Variants in RIPPLY3 observed in about 807,000 individuals in gnomAD.
The protein encoded by RIPPLY3 is protein ripply3.
Under a neutral mutation model 11.9 loss-of-function variants are expected in RIPPLY3, and 8 were observed. The ratio of observed to expected loss-of-function variants is 0.67; its 90% CI spans 0.40 to 1.21. The LOEUF is 1.21. Ranked by LOEUF, RIPPLY3 falls within the 50% of genes most tolerant of loss-of-function variation. The pLI is 0.01. For missense variants in RIPPLY3, 271 were observed against 246.0 expected, an observed-to-expected ratio of 1.10 and a Z score of -0.68; for synonymous variants, 102 against 99.0, an observed-to-expected ratio of 1.03 and a Z score of -0.18.
intron 2 of RIPPLY3, among the ~76,000 whole-genome samples, chr21:37,011,434 A>G (rs1331040317): frequency 6.6e-6 from 1 of 152,218 alleles, no homozygotes; most frequent in Non-Finnish European, 1.5e-5. Flanking sequence ...TCTTTCTCTG[A>G]CACCTGCCAC....
chr21:37,011,762 C>G (rs941673598), intron 2 of RIPPLY3, among the ~76,000 whole-genome samples: 1 of 151,474 alleles, frequency 6.6e-6, no homozygotes, highest in East Asian at 1.9e-4. Flanking sequence ...ATCAGGAGAT[C>G]GAAACACGGT....
At chr21:37,010,205 T>A (rs193228470) in intron 2 of RIPPLY3, among the ~76,000 whole-genome samples, 1 of 151,990 alleles carries the variant, frequency 6.6e-6, no homozygotes, top group Non-Finnish European at 1.5e-5. Flanking sequence ...GAATAAAACC[T>A]CAAGTAGGCC....
At chr21:37,014,267 G>A (rs757147916) in intron 3 of RIPPLY3, among the ~76,000 whole-genome samples, 4 of 152,032 alleles carry the variant, frequency 2.6e-5, no homozygotes, top group South Asian at 2.1e-4. Flanking sequence ...GCAGTGAGCC[G>A]AGATCACGCC....
chr21:37,014,904 T>G (rs573301942), intron 3 of RIPPLY3, among the ~76,000 whole-genome samples: 13 of 152,288 alleles, frequency 8.5e-5, no homozygotes, highest in African/African-American at 3.1e-4. Flanking sequence ...TTTTGTAATT[T>G]TTTTGTAGAG....
Position 37,018,042 on chromosome 21 carries a change from GC to G in RIPPLY3, c.412del (p.Gln138ArgfsTer84), listed in dbSNP as rs777868373. Reference protein sequence around the residue: ...EEGPPPLHLLPQEVGGRQENG... With the variant: ...EEGPPPLHLLXQEVGGRQENG... ...AAGGACCCCCACCCCTCCATCTTCT[GC>G]CCCAGGAGGTGGGAGGTCGGCAGGA... On this transcript the variant is annotated frameshift_variant, in exon 4 of 4. Transcript: ENST00000329553. LOFTEE classifies it low-confidence loss of function (END_TRUNC). The G allele has an allele frequency of 1.2e-6, 2 of 1,614,056 alleles. No individual in the cohort carries two copies. The highest frequency in any genetic ancestry group is 1.1e-5 in the South Asian group (1 of 91,064).
rs544717241 is a variant in RIPPLY3, at chr21:37,006,897, C to A, written c.104+21C>A. 3 of 1,190,620 alleles carry A rather than the reference C, an allele frequency of 2.5e-6. No individual in the cohort carries two copies. The highest frequency in any genetic ancestry group is 4.2e-5 in the South Asian group (1 of 23,700). The allele number at this position is 1,190,620 out of a possible 1,614,324, so 73.8% of individuals were successfully genotyped here. ...GAGAGGTGAGGGTGGCCCCGCGCCC[C>A]GGTGGACGCGCTGAGAGGCGTGCGC... On this transcript the variant is annotated intron_variant, in intron 1 of 3. Coordinates refer to ENST00000329553, the MANE Select transcript of RIPPLY3 (RefSeq NM_018962.3). The surrounding 1 kb of genome is among the most constrained non-coding windows in gnomAD (Gnocchi z 5.2).
chr21:37,009,374 A>G lies in RIPPLY3; in HGVS notation c.171+1151A>G, dbSNP rs182763323. The stretch of plus-strand genomic sequence containing the variant: ...TAAGAAAACTTGATTGTGGGAAAAC[A>G]GACCTTCACCGTATTTTGATATTTA... On this transcript the variant is annotated intron_variant, in intron 2 of 3. Coordinates refer to ENST00000329553, the MANE Select transcript of RIPPLY3 (RefSeq NM_018962.3). 2.1e-3 allele frequency among the ~76,000 whole-genome samples: 327 copies of G among 152,322 alleles called. 2 individuals are homozygous for G. Among genetic ancestry groups the G allele is most frequent in the African/African-American group, 7.6e-3 (317 of 41,576 alleles).
chr21:37,008,685 G>C (rs2069490658), intron 2 of RIPPLY3, among the ~76,000 whole-genome samples: 1 of 151,154 alleles, frequency 6.6e-6, no homozygotes, highest in African/African-American at 2.4e-5. Context: ...TTGAACCCGG[G>C]AGGCGGAGGT....
At chr21:37,011,741 C>T (rs890475608) in intron 2 of RIPPLY3, among the ~76,000 whole-genome samples, 39 of 151,770 alleles carry the variant, frequency 2.6e-4, no homozygotes, top group African/African-American at 9.2e-4. Flanking sequence ...CCGAGGCGGG[C>T]GGATCATGAG....
chr21:37,008,673 G>T (rs916276274), intron 2 of RIPPLY3, among the ~76,000 whole-genome samples: 4 of 148,958 alleles, frequency 2.7e-5, no homozygotes, highest in Non-Finnish European at 5.9e-5. Context: ...CAGGAGAATC[G>T]CTTGAACCCG....
intron 2 of RIPPLY3, among the ~76,000 whole-genome samples, chr21:37,010,275 T>C (rs2069507819): frequency 6.6e-6 from 1 of 152,130 alleles, no homozygotes; most frequent in Non-Finnish European, 1.5e-5. Context: ...TCGGATCATC[T>C]GAGGTCAGGA....
rs754704523 is a variant in RIPPLY3, at chr21:37,017,888, T to C, written c.254T>C (p.Met85Thr). Residue 85 changes from methionine (M) to threonine (T), a missense_variant, in exon 4 of 4, where the codon ATG becomes ACG. Met to Thr is a moderately conservative substitution (Grantham distance 81). Coordinates refer to ENST00000329553, the MANE Select transcript of RIPPLY3 (RefSeq NM_018962.3). ...FQHPVRVYLP[M>T]SKRQEYLRSS... ...TTAAATATTAGAGTCTATTTACCCA[T>C]GTCAAAGCGTCAAGAATACCTGCGG... is the stretch of plus-strand genomic sequence containing the variant. 4 of 1,612,540 alleles carry C rather than the reference T, an allele frequency of 2.5e-6. No homozygotes were observed. Among genetic ancestry groups the C allele is most frequent in the African/African-American group, 1.3e-5 (1 of 74,988 alleles).
chr21:37,008,162 C>T lies in RIPPLY3; in HGVS notation c.110C>T (p.Ala37Val), dbSNP rs751679807. 4 of 1,614,134 alleles carry T rather than the reference C, an allele frequency of 2.5e-6. No individual in the cohort carries two copies. The highest frequency in any genetic ancestry group is 3.4e-6 in the Non-Finnish European group (4 of 1,180,004). ...PPPPRGPESP[A>V]PWRPWIQTPG... ...CCTGGCGCTTGCCGTTCCAGCCCCG[C>T]GCCGTGGCGACCTTGGATCCAGACA... The change falls in exon 2 of 4, where the codon GCG becomes GTG. Residue 37 changes from alanine to valine, a missense_variant. Physicochemically the swap from Ala to Val is moderately conservative, Grantham distance 64 (BLOSUM62 0). Transcript: ENST00000329553.
chr21:37,016,054 C>T (rs1316979079), intron 3 of RIPPLY3, among the ~76,000 whole-genome samples: 2 of 152,046 alleles, frequency 1.3e-5, no homozygotes, highest in South Asian at 2.1e-4. Flanking sequence ...GCTAGGAATT[C>T]ACCTGTGAAT....
At chr21:37,015,141 A>G (rs1484974248) in intron 3 of RIPPLY3, among the ~76,000 whole-genome samples, 5 of 151,790 alleles carry the variant, frequency 3.3e-5, no homozygotes, top group Non-Finnish European at 5.9e-5. Flanking sequence ...AGACCCATGC[A>G]TCTGTTTTTT....
Position 37,017,914 on chromosome 21 carries a change from A to G in RIPPLY3, c.280A>G (p.Ser94Gly). The change falls in exon 4 of 4, where the codon AGT (serine) becomes GGT (glycine). Residue 94 changes from serine (S) to glycine (G), a missense_variant. Ser to Gly is a moderately conservative substitution (Grantham distance 56). Coordinates refer to ENST00000329553, the MANE Select transcript of RIPPLY3 (RefSeq NM_018962.3). ...GTCAAAGCGTCAAGAATACCTGCGGAGTTCCGGGGAGCAAGTACTGGCCAG... is the reference window on the plus strand; with the variant it reads ...GTCAAAGCGTCAAGAATACCTGCGGGGTTCCGGGGAGCAAGTACTGGCCAG... Reference protein sequence around the residue: ...PMSKRQEYLRSSGEQVLASFP... With the variant: ...PMSKRQEYLRGSGEQVLASFP... 1 of 1,614,046 alleles carries G rather than the reference A, an allele frequency of 6.2e-7. No individual in the cohort carries two copies.
chr21:37,009,026 G>A (rs2069495417), intron 2 of RIPPLY3, among the ~76,000 whole-genome samples: 2 of 152,044 alleles, frequency 1.3e-5, no homozygotes, highest in Non-Finnish European at 2.9e-5. Flanking sequence ...TTTCAGCCCC[G>A]TCAAGCACTC....
intron 1 of RIPPLY3, among the ~76,000 whole-genome samples, chr21:37,007,542 G>A (rs145265568): frequency 0.016 from 2,486 of 151,428 alleles, 62 homozygotes; most frequent in African/African-American, 0.056. Context: ...CTGAGTAGCA[G>A]GGATTACACG....
At chr21:37,010,546 C>T (rs1184952601) in intron 2 of RIPPLY3, among the ~76,000 whole-genome samples, 2 of 152,136 alleles carry the variant, frequency 1.3e-5, no homozygotes, top group Admixed American at 1.3e-4. Context: ...GCCTCAAGGC[C>T]CTGTACTCTG....
Sources: allele counts gnomAD v4.1 joint callset (sites outside exome capture counted in the v4.1 genomes callset), GRCh38; gene constraint gnomAD v4.1.1; non-coding constraint Gnocchi (gnomAD v3.1); transcripts MANE v1.5; gene names NCBI Gene and HGNC (gene_info 2026-07-23, HGNC 2026-07-21).